ZNF704: variants seen among roughly 807,000 people sequenced by gnomAD.
The protein encoded by ZNF704 is glucocorticoid induced gene 1.
ZNF704 carries 10 observed loss-of-function variants against 44.7 expected under a neutral mutation model. The observed-to-expected ratio is 0.22, with a 90% CI of 0.14 to 0.38. The LOEUF is 0.38. Ranked by LOEUF, ZNF704 falls within the 10% of genes least tolerant of loss-of-function variation. The pLI is 1.00. For missense variants in ZNF704, 390 were observed against 545.5 expected (o/e 0.71, Z 2.84); for synonymous variants, 211 against 207.6 (o/e 1.02, Z -0.14).
chr8:80,824,805 T>G (rs1011986985), intron 1 of ZNF704, among the ~76,000 whole-genome samples: 4 of 152,198 alleles, frequency 2.6e-5, no homozygotes, highest in African/African-American at 7.2e-5. Flanking sequence ...CAACCCAGAA[T>G]TTCATATTCA....
intron 2 of ZNF704, among the ~76,000 whole-genome samples, chr8:80,767,250 GTTAA>G (rs1418443512): frequency 1.3e-5 from 2 of 151,480 alleles, no homozygotes; most frequent in African/African-American, 4.9e-5. Context: ...AATTAACTTG[GTTAA>G]TTAATAAATA....
intron 2 of ZNF704, among the ~76,000 whole-genome samples, chr8:80,729,661 G>A (rs1806543272): frequency 6.6e-6 from 1 of 152,156 alleles, no homozygotes; most frequent in Admixed American, 6.5e-5. Context: ...ACCCACTCCT[G>A]CAGATTGGTT....
chr8:80,740,412 C>T (rs1316010721), intron 2 of ZNF704, among the ~76,000 whole-genome samples: 1 of 152,180 alleles, frequency 6.6e-6, no homozygotes, highest in East Asian at 1.9e-4. Context: ...CCTTTCCCTA[C>T]CAAAGGCAGT....
intron 2 of ZNF704, among the ~76,000 whole-genome samples, chr8:80,723,645 A>C (rs1295701904): frequency 6.6e-6 from 1 of 152,236 alleles, no homozygotes; most frequent in Non-Finnish European, 1.5e-5. Context: ...TAAAAGTAAT[A>C]CTATATTTTT....
In ZNF704 at chr8:80,843,945, A is replaced by ATGTATATATATG. The variant is rs199688119; in HGVS notation, c.-21-22342_-21-22331dup. Among the ~76,000 whole-genome samples, 933 of 147,420 alleles carry ATGTATATATATG rather than the reference A, an allele frequency of 6.3e-3. 5 individuals are homozygous for ATGTATATATATG. The highest frequency in any genetic ancestry group is 0.011 in the Non-Finnish European group (713 of 67,348). On this transcript the variant is annotated intron_variant, in intron 1 of 8. Transcript: ENST00000327835. ...AACAGTGAAATATATATATATGTGT[A>ATGTATATATATG]TGTATATATATGTGTATATATATGT...
intron 2 of ZNF704, among the ~76,000 whole-genome samples, chr8:80,766,817 A>G (rs531591246): frequency 1.3e-5 from 2 of 152,208 alleles, no homozygotes; most frequent in Admixed American, 6.5e-5. Flanking sequence ...GATTCAAGCA[A>G]TTCTCCTGCC....
intron 7 of ZNF704, among the ~76,000 whole-genome samples, chr8:80,659,021 G>C (rs748839061): frequency 1.1e-4 from 16 of 152,204 alleles, no homozygotes; most frequent in Non-Finnish European, 1.9e-4. Context: ...TTAATTCACA[G>C]TGATTTATCA....
chr8:80,743,407 T>A (rs1365841408), intron 2 of ZNF704, among the ~76,000 whole-genome samples: 1 of 152,022 alleles, frequency 6.6e-6, no homozygotes, highest in African/African-American at 2.4e-5. Context: ...TCTCCACATG[T>A]AACGATAAAT....
At chr8:80,871,956 AT>A (rs970720847) in intron 1 of ZNF704, among the ~76,000 whole-genome samples, 14 of 152,242 alleles carry the variant, frequency 9.2e-5, no homozygotes, top group African/African-American at 3.4e-4. Flanking sequence ...GATCAAGTGA[AT>A]TATCACACTC....
At chr8:80,733,822 A>G (rs964616839) in intron 2 of ZNF704, among the ~76,000 whole-genome samples, 5 of 152,088 alleles carry the variant, frequency 3.3e-5, no homozygotes, top group African/African-American at 1.2e-4. Flanking sequence ...TCTCTGAGCA[A>G]TTCCTTTTAG....
intron 2 of ZNF704, among the ~76,000 whole-genome samples, chr8:80,821,143 A>G (rs896147942): frequency 9.9e-5 from 15 of 152,220 alleles, no homozygotes; most frequent in African/African-American, 3.6e-4. Context: ...TTAAAATTGA[A>G]TAAAACATTT....
intron 2 of ZNF704, among the ~76,000 whole-genome samples, chr8:80,769,182 G>A (rs1193476992): frequency 6.6e-6 from 1 of 152,140 alleles, no homozygotes; most frequent in East Asian, 1.9e-4. Flanking sequence ...AGTTCTTGCT[G>A]GAGAGAATTA....
intron 1 of ZNF704, among the ~76,000 whole-genome samples, chr8:80,853,028 G>A (rs917095413): frequency 1.2e-4 from 19 of 152,100 alleles, no homozygotes; most frequent in African/African-American, 1.9e-4. Flanking sequence ...ATGAGGGATC[G>A]CTCTATAAAT....
intron 1 of ZNF704, among the ~76,000 whole-genome samples, chr8:80,835,931 ACAG>A (rs1808551358): frequency 6.6e-6 from 1 of 152,210 alleles, no homozygotes; most frequent in Non-Finnish European, 1.5e-5. Context: ...ATCACTTCTT[ACAG>A]CCTCCAGTTA....
Position 80,874,243 on chromosome 8 carries a change from C to CCGGCGGCCGGCGGCTACGGCGGGGCGGCG in ZNF704, c.-22+299_-22+327dup, listed in dbSNP as rs1809319933. ...TTCGCTGGACCGGCCGGCGGGGACG[C>CCGGCGGCCGGCGGCTACGGCGGGGCGGCG]CGGCGGCCGGCGGCTACGGCGGGGC... is the stretch of plus-strand genomic sequence containing the variant. On this transcript the variant is annotated intron_variant, in intron 1 of 8. Transcript: ENST00000327835. This position sits in a 1 kb window ranked among gnomAD's most constrained non-coding sequence, Gnocchi z 4.4. Among the ~76,000 whole-genome samples the CCGGCGGCCGGCGGCTACGGCGGGGCGGCG allele has an allele frequency of 6.9e-6, 1 of 144,290 alleles. No homozygotes were observed. Among genetic ancestry groups the CCGGCGGCCGGCGGCTACGGCGGGGCGGCG allele is most frequent in the African/African-American group, 2.5e-5 (1 of 39,988 alleles). The allele number at this position is 144,290 out of a possible 152,430, so 94.7% of individuals were successfully genotyped here.
At chr8:80,663,341 T>C (rs1818130613) in intron 6 of ZNF704, among the ~76,000 whole-genome samples, 1 of 147,056 alleles carries the variant, frequency 6.8e-6, no homozygotes, top group Non-Finnish European at 1.5e-5. Flanking sequence ...CACTCCAGCC[T>C]GAGAGAAAGA....
chr8:80,807,736 G>A (rs1220629496), intron 2 of ZNF704, among the ~76,000 whole-genome samples: 5 of 151,980 alleles, frequency 3.3e-5, no homozygotes, highest in Admixed American at 6.6e-5. Context: ...GATCCACTGA[G>A]AGAAAATGAC....
chr8:80,784,289 G>T (rs1807580159), intron 2 of ZNF704, among the ~76,000 whole-genome samples: 1 of 152,176 alleles, frequency 6.6e-6, no homozygotes, highest in African/African-American at 2.4e-5. Context: ...ACCAAGGAGT[G>T]TGATTACTGA....
chr8:80,656,566 C>T (rs1263563724), intron 7 of ZNF704, among the ~76,000 whole-genome samples: 1 of 152,206 alleles, frequency 6.6e-6, no homozygotes, highest in African/African-American at 2.4e-5. Context: ...CTTCCAGTTA[C>T]ATTTGTTAAA....
Sources: allele counts gnomAD v4.1 joint callset (sites outside exome capture counted in the v4.1 genomes callset), GRCh38; gene constraint gnomAD v4.1.1; non-coding constraint Gnocchi (gnomAD v3.1); transcripts MANE v1.5; gene names NCBI Gene and HGNC (gene_info 2026-07-23, HGNC 2026-07-21).